The following CR1L variants were observed in gnomAD, a reference collection of about 807,000 sequenced individuals.
The protein encoded by CR1L is complement C3b/C4b receptor 1 like.
Under a neutral mutation model 62.3 loss-of-function variants are expected in CR1L, and 59 were observed. The ratio of observed to expected loss-of-function variants is 0.95; its 90% CI spans 0.77 to 1.18. The LOEUF is 1.18. CR1L is among the 50% of genes most tolerant of loss of function. The pLI is 0.00. For missense variants in CR1L, 700 were observed against 702.8 expected (o/e 1.00, Z 0.04); for synonymous variants, 279 against 248.7 (o/e 1.12, Z -1.15).
At chr1:207,663,757 G>A (rs1312360569) in intron 1 of CR1L, among the ~76,000 whole-genome samples, 2 of 152,050 alleles carry the variant, frequency 1.3e-5, no homozygotes, top group Non-Finnish European at 2.9e-5. Context: ...GTTCCTATTC[G>A]GCCATCTTGG....
At chr1:207,685,767 T>C (rs1395561603) in intron 4 of CR1L, among the ~76,000 whole-genome samples, 1 of 152,100 alleles carries the variant, frequency 6.6e-6, no homozygotes, top group East Asian at 1.9e-4. Flanking sequence ...AAAAGGTCTG[T>C]CTTCTGAACC....
chr1:207,683,111 CCTCTGACTCTCTCTCTCTCT>C lies in CR1L; in HGVS notation c.378-758_378-739del, dbSNP rs1221000618. Among the ~76,000 whole-genome samples, 6 of 143,136 alleles carry C rather than the reference CCTCTGACTCTCTCTCTCTCT, an allele frequency of 4.2e-5. No homozygotes were observed. In the South Asian group the frequency reaches 6.7e-4, roughly 16 times the overall value. 93.9% of individuals were successfully genotyped at this position (143,136 alleles called of 152,430 possible). On this transcript the variant is annotated intron_variant, in intron 3 of 11. Transcript: ENST00000508064. ...CTCTTTCTCTTTCTCTCTCTCTCTC[CCTCTGACTCTCTCTCTCTCT>C]CTACCCCGCCCCTTTCTTTCCTACT...
intron 4 of CR1L, among the ~76,000 whole-genome samples, chr1:207,686,420 T>G: frequency 6.6e-6 from 1 of 151,990 alleles, no homozygotes; most frequent in Non-Finnish European, 1.5e-5. Flanking sequence ...TTAAAAATTT[T>G]TTGTCTTTGA....
rs573329583 is a variant in CR1L at position 207,687,249 on chromosome 1, C to A, written c.463+3292C>A. On this transcript the variant is annotated intron_variant, in intron 4 of 11. Coordinates refer to ENST00000508064, the MANE Select transcript of CR1L (RefSeq NM_175710.2). ...AGTTTATATAAAATTGGTATTATTT[C>A]TTCTTTAAATGTTTAAAAGAATTCA... Among the ~76,000 whole-genome samples the A allele has an allele frequency of 3.3e-5, 5 of 152,190 alleles. No homozygotes were observed. In the South Asian group the frequency reaches 1.0e-3, roughly 32 times the overall value.
chr1:207,684,016 A>G, intron 4 of CR1L, 59 bp downstream of exon 4: 1 of 1,516,736 alleles, frequency 6.6e-7, no homozygotes. Flanking sequence ...TTTCTCTGGA[A>G]TAATAAAAAT....
At chr1:207,672,859 G>A (rs1033330196) in intron 1 of CR1L, among the ~76,000 whole-genome samples, 1 of 152,086 alleles carries the variant, frequency 6.6e-6, no homozygotes, top group Non-Finnish European at 1.5e-5. Flanking sequence ...CGGATGAGTA[G>A]ATGTATGATT....
chr1:207,677,560 A>G lies in CR1L; in HGVS notation c.269A>G (p.Lys90Arg), dbSNP rs1399737598. ...TCAGTCTGGACAAGTGCTAAGGACA[A>G]GTGCAAACGTAAGTAACTCTGGAGT... ...KNSVWTSAKD[K>R]CKRKSCRNPP... The change falls in exon 2 of 12, where the codon AAG becomes AGG. Residue 90 changes from lysine (K) to arginine (R), a missense_variant. Lys to Arg is a conservative substitution (Grantham distance 26). Coordinates refer to ENST00000508064, the MANE Select transcript of CR1L (RefSeq NM_175710.2). 1.9e-6 allele frequency: 3 copies of G among 1,612,920 alleles called. No homozygotes were observed. Among genetic ancestry groups the G allele is most frequent in the Non-Finnish European group, 2.5e-6 (3 of 1,179,616 alleles).
chr1:207,701,480 A>T, intron 8 of CR1L, 39 bp from the exon 9 acceptor site: 1 of 1,611,264 alleles, frequency 6.2e-7, no homozygotes, highest in Admixed American at 1.7e-5. Context: ...GAGAGTTCAG[A>T]TTACTCTACC....
At chr1:207,686,434 A>G (rs1663913885) in intron 4 of CR1L, among the ~76,000 whole-genome samples, 1 of 152,020 alleles carries the variant, frequency 6.6e-6, no homozygotes, top group African/African-American at 2.4e-5. Flanking sequence ...TCTTTGAAAC[A>G]TGTTGAAGTT....
chr1:207,693,437 G>A (rs1399265502), intron 4 of CR1L, among the ~76,000 whole-genome samples: 1 of 152,138 alleles, frequency 6.6e-6, no homozygotes, highest in Non-Finnish European at 1.5e-5. Flanking sequence ...TTTTGAATCT[G>A]TAATCTTGCA....
Position 207,671,546 on chromosome 1 carries a change from G to A in CR1L, c.98-5843G>A, listed in dbSNP as rs568062625. On this transcript the variant is annotated intron_variant, in intron 1 of 11. Transcript: ENST00000508064. ...TGCAAATAGATATTGCAAACTTAGGGCAACTACTGAAAAAAGTGAAAAAAA... is the reference window on the plus strand; with the variant it reads ...TGCAAATAGATATTGCAAACTTAGGACAACTACTGAAAAAAGTGAAAAAAA... Among the ~76,000 whole-genome samples the A allele has an allele frequency of 2.8e-4, 42 of 151,006 alleles. 4 individuals are homozygous for A. Among genetic ancestry groups the A allele is most frequent in the African/African-American group, 1.0e-3 (41 of 40,338 alleles).
chr1:207,680,110 G>T (rs1264856505), intron 3 of CR1L, among the ~76,000 whole-genome samples: 1 of 152,180 alleles, frequency 6.6e-6, no homozygotes, highest in Non-Finnish European at 1.5e-5. Flanking sequence ...TGGACTTGGG[G>T]TGACCATGAT....
intron 9 of CR1L, among the ~76,000 whole-genome samples, chr1:207,706,259 A>C (rs970254866): frequency 8.6e-5 from 13 of 151,732 alleles, no homozygotes; most frequent in African/African-American, 3.1e-4. Context: ...ATCTCTACAA[A>C]AAAGTATAAA....
intron 11 of CR1L, among the ~76,000 whole-genome samples, chr1:207,719,584 G>T (rs1010585879): frequency 6.6e-6 from 1 of 152,066 alleles, no homozygotes; most frequent in Admixed American, 6.6e-5. Context: ...AGCTGGGCGT[G>T]GTAGTGCATG....
At chr1:207,673,252 C>G (rs966418800) in intron 1 of CR1L, among the ~76,000 whole-genome samples, 1 of 152,164 alleles carries the variant, frequency 6.6e-6, no homozygotes, top group African/African-American at 2.4e-5. Context: ...TCATGATTAA[C>G]AGAGCATTTA....
At chr1:207,645,404 G>A in intron 1 of CR1L, 74 bp downstream of exon 1, 3 of 1,517,498 alleles carry the variant, frequency 2.0e-6, no homozygotes, top group East Asian at 2.3e-5. Flanking sequence ...CAGGAGGCGC[G>A]GGGCGAAGCT....
chr1:207,683,836 A>G (rs755804924), intron 3 of CR1L, 36 bp from the exon 4 acceptor site: 1 of 1,583,456 alleles, frequency 6.3e-7, no homozygotes, highest in Non-Finnish European at 8.7e-7. Flanking sequence ...TGACCTGTGT[A>G]TTTAGAATGT....
At chr1:207,650,487 C>T (rs1050172217) in intron 1 of CR1L, among the ~76,000 whole-genome samples, 1 of 152,052 alleles carries the variant, frequency 6.6e-6, no homozygotes, top group African/African-American at 2.4e-5. Flanking sequence ...TTTAATGACT[C>T]AGAAAGTAGT....
chr1:207,680,277 A>G (rs1338000954), intron 3 of CR1L, among the ~76,000 whole-genome samples: 2 of 152,248 alleles, frequency 1.3e-5, no homozygotes, highest in Non-Finnish European at 2.9e-5. Context: ...TTGTGCTAAA[A>G]CACAAAGTCT....
Sources: gnomAD v4.1 joint callset for allele counts (sites outside exome capture counted in the v4.1 genomes callset) on GRCh38, gnomAD v4.1.1 for gene constraint, MANE v1.5 for transcripts, NCBI Gene and HGNC (gene_info 2026-07-23, HGNC 2026-07-21) for gene names.